Variants in SLC24A2 observed in about 807,000 individuals in gnomAD.
SLC24A2 encodes the protein solute carrier family 24 member 2, also known as sodium/potassium/calcium exchanger 2.
A neutral mutation model predicts 62.0 loss-of-function variants in SLC24A2; 36 were observed. The ratio of observed to expected loss-of-function variants is 0.58; its 90% CI spans 0.44 to 0.77. SLC24A2 has a LOEUF of 0.77. Ranked by LOEUF, SLC24A2 falls within the 30% of genes least tolerant of loss-of-function variation. SLC24A2 has a pLI of 0.00. For missense variants in SLC24A2, 846 were observed against 817.9 expected (o/e 1.03, Z -0.42); for synonymous variants, 358 against 294.0 (o/e 1.22, Z -2.23).
At chr9:19,907,211 A>G in the SLC24A2 span, among the ~76,000 whole-genome samples, 1 of 152,192 alleles carries the variant, frequency 6.6e-6, no homozygotes, top group Admixed American at 6.5e-5. Flanking sequence ...TATAAACAGA[A>G]CCAATGACAA....
At chr9:19,778,567 C>T (rs1822913948) in intron 2 of SLC24A2, among the ~76,000 whole-genome samples, 1 of 152,116 alleles carries the variant, frequency 6.6e-6, no homozygotes, top group Admixed American at 6.5e-5. Context: ...ATGAATCTCC[C>T]TTAAGAATTT....
At chr9:20,229,494 C>T in the SLC24A2 span, among the ~76,000 whole-genome samples, 1 of 152,098 alleles carries the variant, frequency 6.6e-6, no homozygotes, top group Non-Finnish European at 1.5e-5. Context: ...TAAAAAGAGC[C>T]TCATAAAAGA....
chr9:20,142,346 T>C, the SLC24A2 span, among the ~76,000 whole-genome samples: 1 of 152,088 alleles, frequency 6.6e-6, no homozygotes, highest in African/African-American at 2.4e-5. Flanking sequence ...GCAAATAAAA[T>C]TTGTGTTACG....
intron 2 of SLC24A2, among the ~76,000 whole-genome samples, chr9:19,734,427 G>T (rs201019297): frequency 1.2e-4 from 19 of 152,080 alleles, no homozygotes; most frequent in African/African-American, 2.9e-4. Context: ...GTGAAGAAAG[G>T]CATTGGTAGC....
At chr9:20,107,646 A>G in the SLC24A2 span, among the ~76,000 whole-genome samples, 2 of 152,214 alleles carry the variant, frequency 1.3e-5, no homozygotes, top group East Asian at 3.8e-4. Flanking sequence ...AGCCATATGG[A>G]GAAAGCTGAA....
intron 2 of SLC24A2, among the ~76,000 whole-genome samples, chr9:19,638,218 T>C (rs1381466282): frequency 6.6e-6 from 1 of 152,100 alleles, no homozygotes; most frequent in East Asian, 1.9e-4. Context: ...GATTGGAGAA[T>C]TGTTAGCCTC....
intron 2 of SLC24A2, among the ~76,000 whole-genome samples, chr9:19,627,085 A>G (rs1339132159): frequency 1.3e-5 from 2 of 152,220 alleles, no homozygotes; most frequent in African/African-American, 2.4e-5. Flanking sequence ...GCTGGTAATT[A>G]TCTGACAATC....
chr9:20,082,612 G>C, the SLC24A2 span, among the ~76,000 whole-genome samples: 1 of 152,168 alleles, frequency 6.6e-6, no homozygotes, highest in African/African-American at 2.4e-5. Context: ...TGTCAGCAGC[G>C]TGAGATGTAA....
chr9:20,215,333 G>A, the SLC24A2 span, among the ~76,000 whole-genome samples: 5 of 151,996 alleles, frequency 3.3e-5, no homozygotes, highest in African/African-American at 7.3e-5. Flanking sequence ...ATTTTGTGGG[G>A]GACAAAAACA....
intron 7 of SLC24A2, among the ~76,000 whole-genome samples, chr9:19,557,695 A>G (rs913203209): frequency 1.3e-5 from 2 of 151,394 alleles, no homozygotes; most frequent in Non-Finnish European, 2.9e-5. Context: ...TTATTCATCC[A>G]TCGTGCAGCC....
At chr9:20,221,164 C>T in the SLC24A2 span, among the ~76,000 whole-genome samples, 9 of 151,918 alleles carry the variant, frequency 5.9e-5, no homozygotes, top group Non-Finnish European at 8.8e-5. Flanking sequence ...ATGCTAATTG[C>T]GATAAGTGCC....
At chr9:19,692,347 C>G (rs13285287) in intron 2 of SLC24A2, among the ~76,000 whole-genome samples, 1 of 152,000 alleles carries the variant, frequency 6.6e-6, no homozygotes. Context: ...TAGAATTTTA[C>G]AGACACTAAT....
At chr9:19,565,612 A>C (rs1362641607) in intron 7 of SLC24A2, among the ~76,000 whole-genome samples, 1 of 152,116 alleles carries the variant, frequency 6.6e-6, no homozygotes, top group Non-Finnish European at 1.5e-5. Context: ...AGAATTGGAA[A>C]AAACTAAAGT....
the SLC24A2 span, among the ~76,000 whole-genome samples, chr9:20,178,010 A>G: frequency 1.3e-5 from 2 of 152,038 alleles, no homozygotes; most frequent in African/African-American, 4.8e-5. Flanking sequence ...TCAATATTCA[A>G]CCTCACCATT....
the SLC24A2 span, among the ~76,000 whole-genome samples, chr9:20,179,765 A>G: frequency 2.0e-5 from 3 of 152,222 alleles, no homozygotes; most frequent in African/African-American, 7.2e-5. Context: ...TCTAGGACAG[A>G]CTGAGGGTTA....
the SLC24A2 span, among the ~76,000 whole-genome samples, chr9:19,992,251 G>A: frequency 6.6e-6 from 1 of 152,144 alleles, no homozygotes; most frequent in Non-Finnish European, 1.5e-5. Flanking sequence ...ATAGGTCTGA[G>A]GCTCAAGAGG....
the SLC24A2 span, among the ~76,000 whole-genome samples, chr9:20,161,970 T>C: frequency 1.3e-5 from 2 of 151,822 alleles, no homozygotes; most frequent in African/African-American, 4.8e-5. Context: ...TGCATAAGAA[T>C]TGAAAGACAA....
At chr9:19,524,989 ATATGT>A (rs1563931532) in intron 9 of SLC24A2, among the ~76,000 whole-genome samples, 1 of 152,222 alleles carries the variant, frequency 6.6e-6, no homozygotes, top group Admixed American at 6.5e-5. Flanking sequence ...AAAAACTATT[ATATGT>A]TATAAATGGC....
chr9:19,963,044 AGCCCTCAGAAATAAC>A, the SLC24A2 span, among the ~76,000 whole-genome samples: 1 of 152,126 alleles, frequency 6.6e-6, no homozygotes, highest in Admixed American at 6.5e-5. Flanking sequence ...TCAATACCTA[AGCCCTCAGAAATAAC>A]GCCGCATATC....
Sources: allele counts gnomAD v4.1 joint callset (sites outside exome capture counted in the v4.1 genomes callset), GRCh38; gene constraint gnomAD v4.1.1; transcripts MANE v1.5; gene names NCBI Gene and HGNC (gene_info 2026-07-23, HGNC 2026-07-21).